Variants in ABCB1 observed in about 807,000 individuals in gnomAD.
ABCB1 encodes the protein ATP binding cassette subfamily B member 1.
Under a neutral mutation model 142.0 loss-of-function variants are expected in ABCB1, and 69 were observed. That is an observed-to-expected ratio of 0.49 (90% CI 0.40 to 0.59). The LOEUF is 0.59. Ranked by LOEUF, ABCB1 falls within the 20% of genes least tolerant of loss-of-function variation. The pLI, the probability that ABCB1 is intolerant of heterozygous loss-of-function variation, is 0.00. For missense variants in ABCB1, 1,326 were observed against 1,554.7 expected (o/e 0.85, Z 2.47); for synonymous variants, 532 against 539.2 (o/e 0.99, Z 0.18).
chr7:87,708,942 C>T (rs1377982611), intron 1 of ABCB1, among the ~76,000 whole-genome samples: 1 of 152,068 alleles, frequency 6.6e-6, no homozygotes, highest in Non-Finnish European at 1.5e-5. Context: ...TTTTCATAAA[C>T]CTTCATTTTA....
chr7:87,613,612 A>C (rs570779593), intron 1 of ABCB1, among the ~76,000 whole-genome samples: 1 of 152,316 alleles, frequency 6.6e-6, no homozygotes, highest in Admixed American at 6.5e-5. Context: ...CAGAAAACTA[A>C]GTACCACATG....
intron 19 of ABCB1, 144 bp downstream of exon 19, chr7:87,539,124 C>A (rs1452014038): frequency 3.4e-6 from 3 of 876,102 alleles, no homozygotes; most frequent in Non-Finnish European, 3.7e-6. Flanking sequence ...GTGGGCGGTT[C>A]AACCGCATCT....
In ABCB1 at chr7:87,592,111, C is replaced by T. The variant is rs557276681; in HGVS notation, c.117+3655G>A. Among the ~76,000 whole-genome samples, 6 of 152,266 alleles carry T rather than the reference C, an allele frequency of 3.9e-5. No individual in the cohort carries two copies. The South Asian group carries it at 8.3e-4, about 21-fold the overall frequency. Reference sequence around the variant, plus strand: ...AGTCAATGGCGAAATCAAGACAGAACGCAAAGGCCACTTTTGTGTGTGAAG... The same window carrying T: ...AGTCAATGGCGAAATCAAGACAGAATGCAAAGGCCACTTTTGTGTGTGAAG... On this transcript the variant is annotated intron_variant, in intron 3 of 27. Coordinates refer to ENST00000622132, the MANE Select transcript of ABCB1 (RefSeq NM_001348946.2).
rs1279830740 is a variant in ABCB1 at position 87,516,573 on chromosome 7, T to C, written c.3020A>G (p.His1007Arg). The part of the protein sequence containing the change: ...DYAKAKISAA[H>R]IIMIIEKTPL... ...GGTTTTTTCAATGATCATGATGATG[T>C]GGGCTGCTGATATTTTGGCTTTGGC... The change falls in exon 24 of 28, where the codon CAC becomes CGC. Residue 1007 changes from histidine (H) to arginine (R), a missense_variant. Coordinates refer to ENST00000622132, the MANE Select transcript of ABCB1 (RefSeq NM_001348946.2). The C allele has an allele frequency of 6.2e-7, 1 of 1,614,210 alleles. No homozygotes were observed. The highest frequency in any genetic ancestry group is 1.1e-5 in the South Asian group (1 of 91,088).
At chr7:87,667,011 A>G (rs1181651618) in intron 1 of ABCB1, among the ~76,000 whole-genome samples, 1 of 152,000 alleles carries the variant, frequency 6.6e-6, no homozygotes, top group African/African-American at 2.4e-5. Flanking sequence ...AATGGTTTTT[A>G]TCTAGTTCTG....
intron 1 of ABCB1, among the ~76,000 whole-genome samples, chr7:87,657,839 A>G (rs1014641520): frequency 6.6e-6 from 1 of 152,256 alleles, no homozygotes; most frequent in Middle Eastern, 3.4e-3. Flanking sequence ...GTGTCAGTGG[A>G]AGCCAATTGG....
chr7:87,700,951 C>A (rs1329812087), intron 1 of ABCB1, among the ~76,000 whole-genome samples: 1 of 152,196 alleles, frequency 6.6e-6, no homozygotes, highest in African/African-American at 2.4e-5. Flanking sequence ...TTCTTCCCCA[C>A]CATGCACTCA....
intron 11 of ABCB1, 38 bp downstream of exon 11, chr7:87,550,430 C>T (rs1487555469): frequency 6.2e-7 from 1 of 1,603,160 alleles, no homozygotes; most frequent in Non-Finnish European, 8.5e-7. Flanking sequence ...ACTCTTCATT[C>T]AATAGATTAA....
chr7:87,512,953 A>G (rs759243059), intron 25 of ABCB1, among the ~76,000 whole-genome samples: 3 of 152,226 alleles, frequency 2.0e-5, no homozygotes, highest in African/African-American at 7.2e-5. Context: ...AGGGACTAGA[A>G]GGCTAAAAAC....
intron 24 of ABCB1, among the ~76,000 whole-genome samples, chr7:87,516,251 A>G: frequency 6.6e-6 from 1 of 152,184 alleles, no homozygotes; most frequent in East Asian, 1.9e-4. Flanking sequence ...GTCTCTAAAA[A>G]AAAATTGTTT....
chr7:87,667,485 T>C (rs112425602), intron 1 of ABCB1, among the ~76,000 whole-genome samples: 26 of 152,252 alleles, frequency 1.7e-4, no homozygotes, highest in African/African-American at 6.3e-4. Flanking sequence ...CCTTTATTTC[T>C]TTCTCTTGCC....
intron 3 of ABCB1, among the ~76,000 whole-genome samples, chr7:87,588,373 C>T (rs1818851365): frequency 1.3e-5 from 2 of 152,106 alleles, no homozygotes; most frequent in South Asian, 4.1e-4. Flanking sequence ...GTGTTGTTCC[C>T]CTCTAGGTGT....
chr7:87,613,339 T>A (rs1819926476), intron 1 of ABCB1, among the ~76,000 whole-genome samples: 1 of 144,118 alleles, frequency 6.9e-6, no homozygotes, highest in African/African-American at 2.6e-5. Flanking sequence ...GAACTACCAA[T>A]TGGCCCAGCA....
At position 87,539,344 on chromosome 7, in the gene ABCB1, C is replaced by A; in HGVS notation, c.2321G>T (p.Gly774Val). 3 of 1,614,084 alleles carry A rather than the reference C, an allele frequency of 1.9e-6. No homozygotes were observed. Among genetic ancestry groups the A allele is most frequent in the Non-Finnish European group, 2.5e-6 (3 of 1,179,962 alleles). ...CTCTCCAGCTTTGCCAAATGTGAAA[C>A]CCTGTGGGCAGGAACATACCTTGTC... ...IISFITFFLQ[G>V]FTFGKAGEIL... Residue 774 changes from glycine (G) to valine (V), a missense_variant and splice_region_variant, in exon 19 of 28, where the codon GGT becomes GTT. Physicochemically the swap from Gly to Val is moderately radical, Grantham distance 109 (BLOSUM62 -3). Transcript: ENST00000622132.
At chr7:87,611,790 A>G (rs1333186823) in intron 1 of ABCB1, among the ~76,000 whole-genome samples, 1 of 152,156 alleles carries the variant, frequency 6.6e-6, no homozygotes. Flanking sequence ...AAGTTTCTCA[A>G]AGGAATTGTT....
chr7:87,668,643 T>G (rs1281622692), intron 1 of ABCB1, among the ~76,000 whole-genome samples: 1 of 152,150 alleles, frequency 6.6e-6, no homozygotes, highest in East Asian at 1.9e-4. Context: ...TAACACTGTC[T>G]TAGCTGTGTC....
chr7:87,529,020 A>C (rs1815918222), intron 21 of ABCB1, among the ~76,000 whole-genome samples: 1 of 152,220 alleles, frequency 6.6e-6, no homozygotes, highest in South Asian at 2.1e-4. Flanking sequence ...ATAAAAGATT[A>C]GATTTTGTTC....
intron 1 of ABCB1, among the ~76,000 whole-genome samples, chr7:87,698,111 T>C (rs1009447514): frequency 3.3e-5 from 5 of 152,126 alleles, no homozygotes; most frequent in African/African-American, 1.2e-4. Flanking sequence ...TTTTTATTGC[T>C]TTTTTTGAGA....
intron 1 of ABCB1, chr7:87,628,949 C>T (rs376905411): frequency 7.6e-7 from 1 of 1,309,250 alleles, no homozygotes; most frequent in Non-Finnish European, 9.8e-7. Flanking sequence ...TGTGCAGGTA[C>T]GGCAGCGCAG....
Sources: gnomAD v4.1 joint callset for allele counts (sites outside exome capture counted in the v4.1 genomes callset) on GRCh38, gnomAD v4.1.1 for gene constraint, MANE v1.5 for transcripts, NCBI Gene and HGNC (gene_info 2026-07-23, HGNC 2026-07-21) for gene names.